ZC3H6: variants seen among roughly 807,000 people sequenced by gnomAD.
ZC3H6 encodes zinc finger CCCH-type containing 6.
Under a neutral mutation model 107.7 loss-of-function variants are expected in ZC3H6, and 40 were observed. The observed-to-expected ratio is 0.37, with a 90% CI of 0.29 to 0.48. The LOEUF (loss-of-function observed/expected upper bound fraction) is 0.48, where lower values mean the gene tolerates loss of function less well. ZC3H6 is among the 20% of genes least tolerant of loss of function. ZC3H6 has a pLI of 0.98. For synonymous variants in ZC3H6, 493 were observed against 487.9 expected (o/e 1.01, Z -0.14); for missense variants, 1,267 against 1,410.4 (o/e 0.90, Z 1.63).
At chr2:112,315,598 T>TTTTG (rs887247356) in intron 5 of ZC3H6, among the ~76,000 whole-genome samples, 3 of 152,016 alleles carry the variant, frequency 2.0e-5, no homozygotes, top group African/African-American at 4.8e-5. Flanking sequence ...TTTGTTTTTT[T>TTTTG]TTTGTTTGTT....
intron 1 of ZC3H6, among the ~76,000 whole-genome samples, chr2:112,294,404 T>G (rs1676187573): frequency 6.6e-6 from 1 of 152,244 alleles, no homozygotes; most frequent in Non-Finnish European, 1.5e-5. Flanking sequence ...TATTAAGTTG[T>G]TTGCTCCTGG....
intron 1 of ZC3H6, among the ~76,000 whole-genome samples, chr2:112,288,597 A>C (rs892503084): frequency 3.7e-4 from 56 of 152,214 alleles, no homozygotes; most frequent in South Asian, 2.1e-4. Flanking sequence ...ATTTGAACAC[A>C]GATCTTTCTG....
intron 1 of ZC3H6, among the ~76,000 whole-genome samples, chr2:112,289,044 CTTTTTTTT>C (rs1676030031): frequency 1.6e-5 from 1 of 61,152 alleles, no homozygotes; most frequent in Non-Finnish European, 3.8e-5. Flanking sequence ...CTGAACCACT[CTTTTTTTT>C]CTTTTTTTTC....
Position 112,332,184 on chromosome 2 carries a change from C to T in ZC3H6, c.3266C>T (p.Ser1089Phe), listed in dbSNP as rs1677048806. Residue 1089 changes from serine to phenylalanine, a missense_variant, in exon 12 of 12, where the codon TCT becomes TTT. Ser to Phe is a radical substitution (Grantham distance 155). Transcript: ENST00000409871. Reference protein sequence around the residue: ...GLKSSDKTEPSPGEAILPQKP... With the variant: ...GLKSSDKTEPFPGEAILPQKP... ...AAAAGTAGTGACAAAACTGAACCTTCTCCTGGAGAAGCCATCCTTCCACAA... is the reference window on the plus strand; with the variant it reads ...AAAAGTAGTGACAAAACTGAACCTTTTCCTGGAGAAGCCATCCTTCCACAA... The T allele has an allele frequency of 1.2e-6, 2 of 1,613,964 alleles. No homozygotes were observed. The highest frequency in any genetic ancestry group is 2.2e-5 in the South Asian group (2 of 91,074).
chr2:112,308,672 TC>T (rs1676536982), intron 3 of ZC3H6, among the ~76,000 whole-genome samples: 1 of 149,950 alleles, frequency 6.7e-6, no homozygotes, highest in Non-Finnish European at 1.5e-5. Flanking sequence ...CTTCAAGTGA[TC>T]CACCTGCCTC....
intron 11 of ZC3H6, among the ~76,000 whole-genome samples, chr2:112,328,716 A>G (rs886523262): frequency 3.9e-5 from 6 of 152,134 alleles, no homozygotes; most frequent in Non-Finnish European, 7.4e-5. Flanking sequence ...CAAGGCGGGT[A>G]GATCACGAGG....
At chr2:112,322,227 T>C (rs1473007397) in intron 8 of ZC3H6, among the ~76,000 whole-genome samples, 1 of 151,520 alleles carries the variant, frequency 6.6e-6, no homozygotes, top group East Asian at 1.9e-4. Context: ...TTTCTTTTCT[T>C]TTCTTTTGGC....
chr2:112,323,274 C>T (rs996712973), intron 9 of ZC3H6, among the ~76,000 whole-genome samples: 2 of 152,162 alleles, frequency 1.3e-5, no homozygotes, highest in African/African-American at 2.4e-5. Flanking sequence ...ATTCCTTAGG[C>T]TATTGGCGGA....
rs1384664274 is a variant in ZC3H6, at chr2:112,324,419, T to C, written c.1608T>C (p.Val536=). Residue 536 remains valine (V), a synonymous_variant, in exon 10 of 12, where the codon GTT becomes GTC. Transcript: ENST00000409871. ...VGPQNQAGVL[V]QPDTSLTPPS... ...CTCAAAATCAAGCTGGAGTGCTTGT[T>C]CAACCAGACACATCTTTGACACCAC... is the stretch of plus-strand genomic sequence containing the variant. The C allele has an allele frequency of 6.2e-7, 1 of 1,614,020 alleles. No homozygotes were observed. The highest frequency in any genetic ancestry group is 2.2e-5 in the East Asian group (1 of 44,880).
At chr2:112,309,079 T>C (rs1232395579) in intron 3 of ZC3H6, among the ~76,000 whole-genome samples, 1 of 151,976 alleles carries the variant, frequency 6.6e-6, no homozygotes, top group African/African-American at 2.4e-5. Context: ...TAAAATAAAA[T>C]GCACTAAGCT....
intron 1 of ZC3H6, among the ~76,000 whole-genome samples, chr2:112,287,865 G>GT (rs1209463139): frequency 6.6e-6 from 1 of 152,256 alleles, no homozygotes; most frequent in Non-Finnish European, 1.5e-5. Flanking sequence ...GCCTCCCAAA[G>GT]TACTGGGATT....
chr2:112,323,905 T>G (rs116448797), intron 9 of ZC3H6, among the ~76,000 whole-genome samples: 10 of 152,320 alleles, frequency 6.6e-5, no homozygotes, highest in Non-Finnish European at 1.5e-4. Flanking sequence ...TCTTTGTACT[T>G]TTCTGTGTTT....
At chr2:112,277,678 G>A (rs1686451630) in intron 1 of ZC3H6, among the ~76,000 whole-genome samples, 1 of 152,032 alleles carries the variant, frequency 6.6e-6, no homozygotes, top group South Asian at 2.1e-4. Context: ...TTTAAAATTC[G>A]GACTAAAAGT....
At chr2:112,311,057 G>A (rs1573958462) in intron 4 of ZC3H6, among the ~76,000 whole-genome samples, 1 of 152,208 alleles carries the variant, frequency 6.6e-6, no homozygotes, top group African/African-American at 2.4e-5. Flanking sequence ...GGACAATAAG[G>A]GTAATGCAAA....
At chr2:112,280,027 C>G (rs1157006446) in intron 1 of ZC3H6, among the ~76,000 whole-genome samples, 5 of 152,162 alleles carry the variant, frequency 3.3e-5, no homozygotes, top group African/African-American at 9.7e-5. Flanking sequence ...GGTACTGATC[C>G]TGATCTTCTA....
chr2:112,298,686 G>GA (rs1240359069), intron 1 of ZC3H6, among the ~76,000 whole-genome samples: 3 of 152,202 alleles, frequency 2.0e-5, no homozygotes, highest in African/African-American at 7.2e-5. Flanking sequence ...TGATATAAAA[G>GA]AACTTGATCA....
chr2:112,283,463 TTAAAAG>T (rs1445595381), intron 1 of ZC3H6, among the ~76,000 whole-genome samples: 1 of 152,110 alleles, frequency 6.6e-6, no homozygotes, highest in African/African-American at 2.4e-5. Context: ...AGAGTAAACA[TTAAAAG>T]TAAACATAAA....
In ZC3H6 at chr2:112,288,330, G is replaced by T. The variant is rs148250093; in HGVS notation, c.33-11519G>T. On this transcript the variant is annotated intron_variant, in intron 1 of 11. Transcript: ENST00000409871. ...GTAACCTTTCCCAGTTCATTTCTGT[G>T]GAAGTACTTGTAGTCCAGCATAGTA... Among the ~76,000 whole-genome samples, 333 of 152,250 alleles carry T rather than the reference G, an allele frequency of 2.2e-3. 3 individuals carry two copies. The highest frequency in any genetic ancestry group is 0.021 in the East Asian group (111 of 5,184).
At position 112,275,926 on chromosome 2, in the gene ZC3H6, C is replaced by G. The variant is rs535492779; in HGVS notation, c.-69C>G. ...GGTTCCCGCAGGCGGCGCGGGGGGTCTTCCCCGCGCCCCGCCGCCGCCGGC... is the reference window on the plus strand; with the variant it reads ...GGTTCCCGCAGGCGGCGCGGGGGGTGTTCCCCGCGCCCCGCCGCCGCCGGC... On this transcript the variant is annotated 5_prime_UTR_variant, in exon 1 of 12. Transcript: ENST00000409871. 13 of 1,418,996 alleles carry G rather than the reference C, an allele frequency of 9.2e-6. No individual in the cohort carries two copies. In the East Asian group the frequency reaches 1.3e-4, roughly 15 times the overall value. The allele number at this position is 1,418,996 out of a possible 1,614,324, so 87.9% of individuals were successfully genotyped here. A position where few individuals can be genotyped will look rare whatever the true frequency, so the allele number is the denominator to read the frequency against.
Sources: gnomAD v4.1 joint callset for allele counts (sites outside exome capture counted in the v4.1 genomes callset) on GRCh38, gnomAD v4.1.1 for gene constraint, MANE v1.5 for transcripts, NCBI Gene and HGNC (gene_info 2026-07-23, HGNC 2026-07-21) for gene names.